Variants in SPAG16 observed in about 807,000 individuals in gnomAD.
SPAG16 encodes the protein sperm-associated antigen 16 protein.
SPAG16 carries 86 observed loss-of-function variants against 80.4 expected under a neutral mutation model. That is an observed-to-expected ratio of 1.07 (90% CI 0.90 to 1.28). The LOEUF is 1.28. Ranked by LOEUF, SPAG16 falls within the 50% of genes most tolerant of loss-of-function variation. SPAG16 has a pLI of 0.00. For missense variants in SPAG16, 870 were observed against 765.3 expected, an observed-to-expected ratio of 1.14 and a Z score of -1.61; for synonymous variants, 294 against 265.9, an observed-to-expected ratio of 1.11 and a Z score of -1.03.
At chr2:213,651,507 A>G (rs7596173) in intron 10 of SPAG16, among the ~76,000 whole-genome samples, 65,816 of 151,916 alleles carry the variant, frequency 0.43, 15,117 homozygotes, top group African/African-American at 0.57. Context: ...TGGGTAGCCT[A>G]GCCACTGCAC....
intron 10 of SPAG16, among the ~76,000 whole-genome samples, chr2:213,506,050 T>C (rs1212317370): frequency 6.6e-6 from 1 of 152,052 alleles, no homozygotes; most frequent in Non-Finnish European, 1.5e-5. Context: ...ACTTTTCCTA[T>C]TTGTATTAGA....
At chr2:213,920,910 A>T (rs867118300) in intron 11 of SPAG16, among the ~76,000 whole-genome samples, 7 of 152,088 alleles carry the variant, frequency 4.6e-5, no homozygotes, top group Non-Finnish European at 8.8e-5. Flanking sequence ...CTTTGTTCCA[A>T]CTCAAGTATC....
chr2:214,160,974 T>A (rs886354429), intron 15 of SPAG16, among the ~76,000 whole-genome samples: 5 of 152,246 alleles, frequency 3.3e-5, no homozygotes, highest in Middle Eastern at 3.4e-3. Context: ...TCATCTAGAA[T>A]GTCTTTTATT....
At position 213,698,079 on chromosome 2, in the gene SPAG16, A is replaced by C. The variant is rs114498622; in HGVS notation, c.1071-164406A>C. ...ATTATTTTTACTTCTACCCTTTTCA[A>C]CCTCTTTGTTAATCAGTTGATTTCC... On this transcript the variant is annotated intron_variant, in intron 10 of 15. Coordinates refer to ENST00000331683, the MANE Select transcript of SPAG16 (RefSeq NM_024532.5). Among the ~76,000 whole-genome samples, 1,403 of 151,364 alleles carry C rather than the reference A, an allele frequency of 9.3e-3. 7 individuals carry two copies. The highest frequency in any genetic ancestry group is 0.015 in the Non-Finnish European group (1,016 of 67,828).
intron 15 of SPAG16, among the ~76,000 whole-genome samples, chr2:214,225,197 A>G (rs1255619920): frequency 6.6e-6 from 1 of 152,222 alleles, no homozygotes; most frequent in African/African-American, 2.4e-5. Flanking sequence ...GGAGATGTGG[A>G]CAAAATGTAG....
intron 11 of SPAG16, among the ~76,000 whole-genome samples, chr2:213,904,323 C>T (rs763693425): frequency 3.3e-5 from 5 of 152,068 alleles, no homozygotes; most frequent in Non-Finnish European, 7.3e-5. Flanking sequence ...CTGGGGAGGC[C>T]TCAGAATCAT....
At chr2:214,123,652 G>A (rs973469726) in intron 14 of SPAG16, among the ~76,000 whole-genome samples, 4 of 152,020 alleles carry the variant, frequency 2.6e-5, no homozygotes, top group Non-Finnish European at 5.9e-5. Flanking sequence ...AATATGAAGT[G>A]CTACCTATCA....
chr2:213,746,959 T>G (rs1238125563), intron 10 of SPAG16, among the ~76,000 whole-genome samples: 1 of 152,196 alleles, frequency 6.6e-6, no homozygotes, highest in Non-Finnish European at 1.5e-5. Context: ...CAAAAAAAAG[T>G]TAACTGTAAA....
At chr2:213,376,583 GA>G (rs1231267653) in intron 9 of SPAG16, among the ~76,000 whole-genome samples, 5 of 151,848 alleles carry the variant, frequency 3.3e-5, no homozygotes, top group African/African-American at 9.7e-5. Flanking sequence ...TATAACAAAT[GA>G]CTGAGTTCTG....
At chr2:213,634,623 G>A (rs954627859) in intron 10 of SPAG16, among the ~76,000 whole-genome samples, 1 of 152,050 alleles carries the variant, frequency 6.6e-6, no homozygotes. Context: ...TATTTCGATA[G>A]TTTTAGGGGA....
intron 12 of SPAG16, among the ~76,000 whole-genome samples, chr2:214,008,706 C>T (rs1256018157): frequency 5.3e-5 from 8 of 150,532 alleles, no homozygotes; most frequent in African/African-American, 1.5e-4. Context: ...GATCGTGCCA[C>T]TGCACTCCAG....
chr2:213,990,757 G>A (rs1575751434), intron 12 of SPAG16, among the ~76,000 whole-genome samples: 2 of 152,048 alleles, frequency 1.3e-5, no homozygotes, highest in Admixed American at 1.3e-4. Context: ...ATGTATAAGT[G>A]GACTCATGTA....
intron 11 of SPAG16, among the ~76,000 whole-genome samples, chr2:213,907,161 C>T (rs2077465377): frequency 6.6e-6 from 1 of 152,050 alleles, no homozygotes; most frequent in Admixed American, 6.5e-5. Flanking sequence ...AAGGACTCAA[C>T]AGCAAAAACA....
intron 10 of SPAG16, among the ~76,000 whole-genome samples, chr2:213,674,510 A>G (rs61618578): frequency 0.013 from 1,918 of 150,276 alleles, 91 homozygotes; most frequent in African/African-American, 0.044. Context: ...CATTAGGTAT[A>G]TCTCCCAATG....
At chr2:213,832,013 T>A (rs983210493) in intron 10 of SPAG16, among the ~76,000 whole-genome samples, 2 of 152,056 alleles carry the variant, frequency 1.3e-5, no homozygotes, top group Non-Finnish European at 2.9e-5. Flanking sequence ...TAATTTTTTA[T>A]TTTTTTGAGC....
intron 15 of SPAG16, among the ~76,000 whole-genome samples, chr2:214,161,516 G>T (rs1310018385): frequency 6.6e-6 from 1 of 152,082 alleles, no homozygotes; most frequent in African/African-American, 2.4e-5. Flanking sequence ...GAGATGGTAT[G>T]TCATTGTGGT....
intron 1 of SPAG16, among the ~76,000 whole-genome samples, chr2:213,289,003 G>A (rs1265620881): frequency 6.6e-6 from 1 of 152,122 alleles, no homozygotes; most frequent in Non-Finnish European, 1.5e-5. Context: ...AAAGTCATAG[G>A]CTATTTGGAG....
chr2:213,357,596 T>G (rs1039101225), intron 7 of SPAG16, among the ~76,000 whole-genome samples: 1 of 152,190 alleles, frequency 6.6e-6, no homozygotes, highest in Admixed American at 6.5e-5. Flanking sequence ...TTTTTTTGCT[T>G]TCCATTTGCT....
intron 10 of SPAG16, among the ~76,000 whole-genome samples, chr2:213,529,289 T>C (rs2075989403): frequency 6.6e-6 from 1 of 152,210 alleles, no homozygotes; most frequent in African/African-American, 2.4e-5. Context: ...TGTGGTCTGC[T>C]GGTCAACCAG....
Sources: gnomAD v4.1 joint callset for allele counts (sites outside exome capture counted in the v4.1 genomes callset) on GRCh38, gnomAD v4.1.1 for gene constraint, MANE v1.5 for transcripts, NCBI Gene and HGNC (gene_info 2026-07-23, HGNC 2026-07-21) for gene names.